The following DAB2 variants were observed in gnomAD, a reference collection of about 807,000 sequenced individuals.
DAB2 encodes the protein disabled homolog 2.
Under a neutral mutation model 71.6 loss-of-function variants are expected in DAB2, and 28 were observed. The ratio of observed to expected loss-of-function variants is 0.39; its 90% CI spans 0.29 to 0.54. The LOEUF (loss-of-function observed/expected upper bound fraction) is 0.54, where lower values mean the gene tolerates loss of function less well. Ranked by LOEUF, DAB2 falls within the 20% of genes least tolerant of loss-of-function variation. DAB2 has a pLI of 0.68. For synonymous variants in DAB2, 345 were observed against 339.7 expected, an observed-to-expected ratio of 1.02 and a Z score of -0.17; for missense variants, 867 against 928.8, an observed-to-expected ratio of 0.93 and a Z score of 0.86.
intron 14 of DAB2, among the ~76,000 whole-genome samples, chr5:39,373,893 T>G (rs535652191): frequency 6.6e-6 from 1 of 152,298 alleles, no homozygotes; most frequent in Non-Finnish European, 1.5e-5. Context: ...TCACCTGCAC[T>G]CTTGTTAAAA....
At chr5:39,419,908 G>A (rs1755940444) in intron 1 of DAB2, among the ~76,000 whole-genome samples, 2 of 152,172 alleles carry the variant, frequency 1.3e-5, no homozygotes, top group Admixed American at 6.5e-5. Context: ...ACTGCACTGT[G>A]TTTAAAGGCT....
chr5:39,377,073 C>G lies in DAB2; in HGVS notation c.1714G>C (p.Val572Leu). Reference protein sequence around the residue: ...AASTPPPVPVVWGPSASVAPN... With the variant: ...AASTPPPVPVLWGPSASVAPN... The stretch of plus-strand genomic sequence containing the variant: ...GCCACAGATGCAGAAGGGCCCCAGA[C>G]AACAGGCACTGGAGGGGGAGTTGAG... Residue 572 changes from valine (V) to leucine (L), a missense_variant, in exon 12 of 15, where the codon GTC becomes CTC. This residue lies in a region of DAB2 where 740 missense variants were observed against 734.3 expected (regional missense o/e 1.01). Transcript: ENST00000320816. 4 of 1,614,144 alleles carry G rather than the reference C, an allele frequency of 2.5e-6. No individual in the cohort carries two copies. The highest frequency in any genetic ancestry group is 3.4e-6 in the Non-Finnish European group (4 of 1,180,014).
At chr5:39,420,776 T>C (rs1370783672) in intron 1 of DAB2, among the ~76,000 whole-genome samples, 1 of 152,172 alleles carries the variant, frequency 6.6e-6, no homozygotes, top group Non-Finnish European at 1.5e-5. Flanking sequence ...CTTCACTTAG[T>C]AACTTCCATT....
intron 13 of DAB2, 22 bp downstream of exon 13, chr5:39,375,975 G>A: frequency 6.3e-7 from 1 of 1,576,838 alleles, no homozygotes; most frequent in Non-Finnish European, 8.7e-7. Context: ...TTGGAGAAGA[G>A]CTTCTAGTAG....
rs1193685468 is a variant in DAB2 at position 39,383,179 on chromosome 5, G to C, written c.780C>G (p.Ile260Met). The change falls in exon 10 of 15, where the codon ATC becomes ATG. Residue 260 changes from isoleucine to methionine, a missense_variant. Physicochemically the swap from Ile to Met is conservative, Grantham distance 10 (BLOSUM62 1). Around this residue, in one of 2 missense-constraint regions of DAB2, gnomAD observed 740 missense variants for 734.3 expected, o/e 1.01. Transcript: ENST00000320816. Reference protein sequence around the residue: ...LRENPFLTNGITSCSLPRPTP... With the variant: ...LRENPFLTNGMTSCSLPRPTP... ...TTGGTCGAGGAAGAGAACAGGAGGTGATGCCGTTTGTTAAGAATGGATTTT... is the reference window on the plus strand; with the variant it reads ...TTGGTCGAGGAAGAGAACAGGAGGTCATGCCGTTTGTTAAGAATGGATTTT... 1 of 1,613,964 alleles carries C rather than the reference G, an allele frequency of 6.2e-7. No homozygotes were observed. The highest frequency in any genetic ancestry group is 8.5e-7 in the Non-Finnish European group (1 of 1,180,002).
rs775484110 is a variant in DAB2, at chr5:39,388,820, GTCA to G, written c.600_602del (p.Asp201del). The G allele has an allele frequency of 6.2e-7, 1 of 1,613,344 alleles. No homozygotes were observed. The highest frequency in any genetic ancestry group is 8.5e-7 in the Non-Finnish European group (1 of 1,179,378). ...ATACCGATTTCAGTTTGTTAGTTTG[GTCA>G]TCTAGAATCATTAGGGCCTCACTCC... On this transcript the variant is annotated inframe_deletion, in exon 8 of 15. Transcript: ENST00000320816.
At position 39,376,022 on chromosome 5, in the gene DAB2, T is replaced by C. The variant is rs768557607; in HGVS notation, c.2222A>G (p.Asp741Gly). ...AGAGGCTTGTGATGAACCAAAAGAA[T>C]CTTTAAAGAAAGGGTTCTCAAATGC... ...DNAFENPFFKDSFGSSQASVA... is the reference protein window; with the variant it reads ...DNAFENPFFKGSFGSSQASVA... The change falls in exon 13 of 15, where the codon GAT (aspartate) becomes GGT (glycine). Residue 741 changes from aspartate (D) to glycine (G), a missense_variant. This residue lies in a region of DAB2 where 740 missense variants were observed against 734.3 expected (regional missense o/e 1.01). Transcript: ENST00000320816. The C allele has an allele frequency of 3.7e-6, 6 of 1,614,052 alleles. No homozygotes were observed. The highest frequency in any genetic ancestry group is 4.2e-6 in the Non-Finnish European group (5 of 1,179,940).
At chr5:39,374,651 C>T (rs1315728646) in intron 14 of DAB2, 1 of 211,386 alleles carries the variant, frequency 4.7e-6, no homozygotes, top group Admixed American at 6.2e-5. Flanking sequence ...TATAGGAAAC[C>T]AAATTATTAC....
intron 11 of DAB2, among the ~76,000 whole-genome samples, chr5:39,379,044 A>C (rs1376239667): frequency 6.6e-6 from 1 of 152,220 alleles, no homozygotes; most frequent in East Asian, 1.9e-4. Flanking sequence ...ACTTGCTAAT[A>C]ATTTCCACCA....
At position 39,396,958 on chromosome 5, in the gene DAB2, G is replaced by A. The variant is rs141620186; in HGVS notation, c.-101-2537C>T. Among the ~76,000 whole-genome samples the A allele has an allele frequency of 3.9e-3, 597 of 152,320 alleles. 1 individual carries two copies. The highest frequency in any genetic ancestry group is 6.8e-3 in the Middle Eastern group (2 of 294). On this transcript the variant is annotated intron_variant, in intron 1 of 14. Coordinates refer to ENST00000320816, the MANE Select transcript of DAB2 (RefSeq NM_001343.4). ...ACCACCTCTATCTCCGGTTAGTGAA[G>A]CCAGAGCTAGACTGTGCAAACATTC...
intron 4 of DAB2, among the ~76,000 whole-genome samples, chr5:39,391,825 GA>G (rs1202365389): frequency 2.0e-5 from 3 of 151,776 alleles, no homozygotes; most frequent in Non-Finnish European, 4.4e-5. Context: ...AGAAGGCAGG[GA>G]AAAAAGAAAT....
chr5:39,424,526 A>C (rs1818782), intron 1 of DAB2, among the ~76,000 whole-genome samples: 83,845 of 149,116 alleles, frequency 0.56, 25,288 homozygotes, highest in Admixed American at 0.68. Context: ...CACACACGAC[A>C]CAAAAGGAGG....
chr5:39,376,909 A>G lies in DAB2; in HGVS notation c.1878T>C (p.Ala626=). The part of the protein sequence containing the change: ...LVTPPQPPPR[A]GPPKDISSDA... ...CACTGGAGATGTCCTTGGGAGGGCC[A>G]GCTCTGGGAGGTGGCTGAGGAGGAG... is the stretch of plus-strand genomic sequence containing the variant. Residue 626 remains alanine (A), a synonymous_variant, in exon 12 of 15, where the codon GCT becomes GCC. Transcript: ENST00000320816. 6.2e-7 allele frequency: 1 copy of G among 1,614,118 alleles called. No homozygotes were observed. Among genetic ancestry groups the G allele is most frequent in the East Asian group, 2.2e-5 (1 of 44,878 alleles).
chr5:39,376,400 A>G (rs142810552), intron 12 of DAB2, among the ~76,000 whole-genome samples: 185 of 152,252 alleles, frequency 1.2e-3, no homozygotes, highest in African/African-American at 3.9e-3. Flanking sequence ...TCACATTTCA[A>G]TAGCTCATGG....
At chr5:39,392,603 G>A (rs1018322307) in intron 3 of DAB2, 140 bp from the exon 4 acceptor site, 24 of 642,396 alleles carry the variant, frequency 3.7e-5, no homozygotes, top group Middle Eastern at 3.7e-4. Flanking sequence ...CTTTTCATCC[G>A]GGACAGCAAG....
chr5:39,419,373 A>G (rs1488730581), intron 1 of DAB2, among the ~76,000 whole-genome samples: 1 of 152,232 alleles, frequency 6.6e-6, no homozygotes, highest in Admixed American at 6.5e-5. Flanking sequence ...GGTGCAAATC[A>G]TAAAGATTCA....
rs574760905 is a variant in DAB2, at chr5:39,377,420, A to AAAGACTC, written c.1505-139_1505-138insGAGTCTT. ...GCCCTGAGGCTGATATGGGAAGAAT[A>AAAGACTC]TGACAGATTAATCACTGTAAAAGTT... On this transcript the variant is annotated intron_variant, in intron 11 of 14. Coordinates refer to ENST00000320816, the MANE Select transcript of DAB2 (RefSeq NM_001343.4). 2.7e-3 allele frequency: 2,283 copies of AAAGACTC among 855,986 alleles called. 62 individuals are homozygous for AAAGACTC. The South Asian group carries it at 0.037, about 14-fold the overall frequency. The allele number at this position is 855,986 out of a possible 1,614,324, so 53.0% of individuals were successfully genotyped here.
rs1421003270 is a variant in DAB2, at chr5:39,382,942, A to G, written c.1017T>C (p.Asp339=). The G allele has an allele frequency of 2.5e-6, 4 of 1,614,044 alleles. No individual in the cohort carries two copies. In the African/African-American group the frequency reaches 4.0e-5, roughly 16 times the overall value. ...TPLSNGPLNG[D]VDYFGQQFDQ... ...CAAATTGCTGACCAAAGTAGTCAAC[A>G]TCACCATTCAGGGGCCCATTACTCA... is the stretch of plus-strand genomic sequence containing the variant. Residue 339 remains aspartate, a synonymous_variant, in exon 10 of 15, where the codon GAT becomes GAC. Coordinates refer to ENST00000320816, the MANE Select transcript of DAB2 (RefSeq NM_001343.4).
intron 9 of DAB2, 96 bp downstream of exon 9, chr5:39,388,209 C>A: frequency 1.1e-6 from 1 of 876,812 alleles, no homozygotes; most frequent in Non-Finnish European, 1.8e-6. Context: ...CAGTCACCTT[C>A]CAAGTTTCAA....
Sources: allele counts gnomAD v4.1 joint callset (sites outside exome capture counted in the v4.1 genomes callset), GRCh38; gene constraint gnomAD v4.1.1; regional missense constraint gnomAD v4.1.1; transcripts MANE v1.5; gene names NCBI Gene and HGNC (gene_info 2026-07-23, HGNC 2026-07-21).